Variants in DTNB observed in about 807,000 individuals in gnomAD.
The protein encoded by DTNB is DTN-B.
Under a neutral mutation model 90.7 loss-of-function variants are expected in DTNB, and 63 were observed. The observed-to-expected ratio is 0.69, with a 90% confidence interval of 0.57 to 0.86. The LOEUF (loss-of-function observed/expected upper bound fraction) is 0.86, where lower values mean the gene tolerates loss of function less well. Among genes scored for constraint, DTNB ranks in the 40% least tolerant of loss-of-function variants. The pLI, the probability that DTNB is intolerant of heterozygous loss-of-function variation, is 0.00. For synonymous variants in DTNB, 277 were observed against 286.7 expected (o/e 0.97, Z 0.34); for missense variants, 744 against 807.1 (o/e 0.92, Z 0.95).
intron 6 of DTNB, among the ~76,000 whole-genome samples, chr2:25,591,273 C>G (rs560481493): frequency 6.6e-6 from 1 of 152,172 alleles, no homozygotes; most frequent in Admixed American, 6.5e-5. Flanking sequence ...GCTGCAGCTG[C>G]GCCCAGGGAA....
At chr2:25,444,866 T>G (rs950091258) in intron 12 of DTNB, among the ~76,000 whole-genome samples, 4 of 152,340 alleles carry the variant, frequency 2.6e-5, no homozygotes, top group African/African-American at 9.6e-5. Context: ...ATTAGGAGTT[T>G]CTGTATAACA....
intron 9 of DTNB, among the ~76,000 whole-genome samples, chr2:25,493,799 C>T (rs1483632192): frequency 2.0e-5 from 3 of 152,198 alleles, no homozygotes; most frequent in Non-Finnish European, 4.4e-5. Context: ...TCCCTGCCCA[C>T]AAGAAGTTTA....
Position 25,635,080 on chromosome 2 carries a change from A to AAAAAAAT in DTNB, c.148+3933_148+3934insATTTTTT, listed in dbSNP as rs2148798397. Among the ~76,000 whole-genome samples the AAAAAAAT allele has an allele frequency of 1.4e-5, 2 of 141,466 alleles. 1 individual carries two copies. The highest frequency in any genetic ancestry group is 4.5e-4 in the South Asian group (2 of 4,494). The allele number at this position is 141,466 out of a possible 152,430, so 92.8% of individuals were successfully genotyped here. A position where few individuals can be genotyped will look rare whatever the true frequency, so the allele number is the denominator to read the frequency against. Reference sequence around the variant, plus strand: ...AAAAAAAATAAAAAAATAAAAAAAGAAAAAAAAAAAAAGAAATTTTAAAAT... The same window carrying AAAAAAAT: ...AAAAAAAATAAAAAAATAAAAAAAGAAAAAAATAAAAAAAAAAAAGAAATTTTAAAAT... On this transcript the variant is annotated intron_variant, in intron 3 of 20. Coordinates refer to ENST00000406818, the MANE Select transcript of DTNB (RefSeq NM_021907.5).
At chr2:25,650,129 G>A in intron 2 of DTNB, 1 of 985,428 alleles carries the variant, frequency 1.0e-6, no homozygotes, top group Non-Finnish European at 1.2e-6. Flanking sequence ...CCAGTTCTTG[G>A]CAGGACTACT....
chr2:25,443,532 T>C (rs967872578), intron 12 of DTNB, among the ~76,000 whole-genome samples: 1 of 152,234 alleles, frequency 6.6e-6, no homozygotes, highest in Non-Finnish European at 1.5e-5. Flanking sequence ...CTCCTATCTG[T>C]ATGAATGTGG....
At chr2:25,583,759 TCCACCCACCTCAGCCTC>T (rs1359920848) in intron 6 of DTNB, among the ~76,000 whole-genome samples, 3 of 152,080 alleles carry the variant, frequency 2.0e-5, no homozygotes, top group Non-Finnish European at 4.4e-5. Context: ...AACCTCATGA[TCCACCCACCTCAGCCTC>T]CCAAAGTGCT....
At chr2:25,584,220 G>T (rs755964351) in intron 6 of DTNB, among the ~76,000 whole-genome samples, 1 of 152,118 alleles carries the variant, frequency 6.6e-6, no homozygotes, top group Non-Finnish European at 1.5e-5. Context: ...GTGTACAGTG[G>T]GGTTTTCCAG....
At chr2:25,531,685 G>A (rs2150919097) in intron 8 of DTNB, 88 bp from the exon 9 acceptor site, 4 of 1,487,810 alleles carry the variant, frequency 2.7e-6, no homozygotes, top group Non-Finnish European at 3.6e-6. Flanking sequence ...TGACAAGAGT[G>A]TAAAAACATC....
intron 2 of DTNB, among the ~76,000 whole-genome samples, chr2:25,645,607 A>C (rs903752046): frequency 6.6e-6 from 1 of 151,972 alleles, no homozygotes; most frequent in Admixed American, 6.6e-5. Flanking sequence ...ACACCTGGCT[A>C]ATTTTTGTAT....
chr2:25,492,217 T>C (rs2067686104), intron 9 of DTNB, among the ~76,000 whole-genome samples: 1 of 152,226 alleles, frequency 6.6e-6, no homozygotes, highest in Admixed American at 6.5e-5. Context: ...ATTAGAACTC[T>C]GTGTCCTAAA....
intron 9 of DTNB, among the ~76,000 whole-genome samples, chr2:25,527,064 T>C (rs1207824158): frequency 6.6e-6 from 1 of 152,114 alleles, no homozygotes; most frequent in African/African-American, 2.4e-5. Context: ...CTAACATAAC[T>C]TGGGAAATAT....
At position 25,628,294 on chromosome 2, in the gene DTNB, C is replaced by T. The variant is rs201490058; in HGVS notation, c.239G>A (p.Arg80His). Residue 80 changes from arginine (R) to histidine (H), a missense_variant, in exon 4 of 21, where the codon CGC becomes CAC. Coordinates refer to ENST00000406818, the MANE Select transcript of DTNB (RefSeq NM_021907.5). ...GATGGAGGAGATGACAGTTTCGAGG[C>T]GGGACACACTGATCTCGGTGGTATG... ...LDHTTEISVS[R>H]LETVISSIYY... The T allele has an allele frequency of 2.1e-4, 346 of 1,611,314 alleles. No homozygotes were observed. Among genetic ancestry groups the T allele is most frequent in the African/African-American group, 3.5e-4 (26 of 73,984 alleles).
intron 9 of DTNB, among the ~76,000 whole-genome samples, chr2:25,489,561 C>T (rs944013100): frequency 1.3e-5 from 2 of 152,094 alleles, no homozygotes; most frequent in African/African-American, 2.4e-5. Flanking sequence ...AACCCACCTA[C>T]AGTCCCAGTT....
At chr2:25,547,005 CTAAGT>C (rs562473699) in intron 8 of DTNB, among the ~76,000 whole-genome samples, 1 of 152,162 alleles carries the variant, frequency 6.6e-6, no homozygotes, top group Admixed American at 6.5e-5. Context: ...CACCACTGTG[CTAAGT>C]TAATTCTTTT....
chr2:25,617,546 AAAC>A (rs2071104037), intron 4 of DTNB, among the ~76,000 whole-genome samples: 1 of 152,190 alleles, frequency 6.6e-6, no homozygotes, highest in South Asian at 2.1e-4. Context: ...ATATTAATAT[AAAC>A]AAAAATATAC....
chr2:25,399,075 G>A (rs893476050), intron 16 of DTNB, among the ~76,000 whole-genome samples: 4 of 151,978 alleles, frequency 2.6e-5, no homozygotes, highest in East Asian at 3.9e-4. Flanking sequence ...TTTTTGAGAC[G>A]GAATCTCTCT....
chr2:25,619,089 C>T (rs1157839548), intron 4 of DTNB, among the ~76,000 whole-genome samples: 3 of 152,052 alleles, frequency 2.0e-5, no homozygotes, highest in Non-Finnish European at 4.4e-5. Context: ...CTAACCAAAT[C>T]TGGATGACGT....
chr2:25,582,488 A>T (rs931736477), intron 6 of DTNB, among the ~76,000 whole-genome samples: 2 of 152,214 alleles, frequency 1.3e-5, no homozygotes, highest in Non-Finnish European at 2.9e-5. Context: ...GCACAGCAGG[A>T]AAGAAGCTGT....
chr2:25,422,860 TA>T (rs2050227935), intron 15 of DTNB, among the ~76,000 whole-genome samples: 1 of 152,180 alleles, frequency 6.6e-6, no homozygotes, highest in Non-Finnish European at 1.5e-5. Context: ...AAGGGAAAGA[TA>T]TGTAGAGAAA....
Sources: allele counts gnomAD v4.1 joint callset (sites outside exome capture counted in the v4.1 genomes callset), GRCh38; gene constraint gnomAD v4.1.1; transcripts MANE v1.5; gene names NCBI Gene and HGNC (gene_info 2026-07-23, HGNC 2026-07-21).